The following MYH1 variants were observed in gnomAD, a reference collection of about 807,000 sequenced individuals.
MYH1 encodes the protein myosin-1.
A neutral mutation model predicts 225.6 loss-of-function variants in MYH1; 214 were observed. The ratio of observed to expected loss-of-function variants is 0.95; its 90% CI spans 0.85 to 1.06. The LOEUF is 1.06. MYH1 is among the 50% of genes least tolerant of loss of function. MYH1 has a pLI of 0.00. For missense variants in MYH1, 2,098 were observed against 2,344.2 expected, an observed-to-expected ratio of 0.89 and a Z score of 2.17; for synonymous variants, 774 against 842.3, an observed-to-expected ratio of 0.92 and a Z score of 1.40.
chr17:10,507,825 C>T (rs1274408113), intron 17 of MYH1, 61 bp downstream of exon 17: 4 of 1,436,078 alleles, frequency 2.8e-6, no homozygotes, highest in Non-Finnish European at 3.9e-6. Context: ...TTTTTTCCCC[C>T]ACACCATAGA....
intron 9 of MYH1, among the ~76,000 whole-genome samples, 163 bp downstream of exon 9, chr17:10,513,463 G>A (rs906235231): frequency 6.6e-6 from 1 of 152,166 alleles, no homozygotes; most frequent in Admixed American, 6.5e-5. Context: ...ACTGGAGTGG[G>A]TAAAGCATAC....
rs141034409 is a variant in MYH1, at chr17:10,505,428, A to G, written c.2258T>C (p.Ile753Thr). ...TTTATACTGGGTGTGGTCAATGTCA[A>G]TGGACCCCAGGAGCTTCTCTGAAGC... The part of the protein sequence containing the change: ...KKASEKLLGS[I>T]DIDHTQYKFG... Residue 753 changes from isoleucine (I) to threonine (T), a missense_variant, in exon 20 of 40, where the codon ATT (isoleucine) becomes ACT (threonine). Transcript: ENST00000226207. 1.1e-5 allele frequency: 18 copies of G among 1,614,124 alleles called. No homozygotes were observed. The highest frequency in any genetic ancestry group is 4.5e-5 in the East Asian group (2 of 44,892).
intron 3 of MYH1, 43 bp downstream of exon 3, chr17:10,516,396 A>G (rs767693370): frequency 1.2e-6 from 2 of 1,614,188 alleles, no homozygotes; most frequent in Non-Finnish European, 1.7e-6. Flanking sequence ...AACTTAACCC[A>G]AAATGAGGCA....
At position 10,496,005 on chromosome 17, in the gene MYH1, A is replaced by AT. The variant is rs1275305506; in HGVS notation, c.5113dup (p.Ile1705AsnfsTer11). The AT allele has an allele frequency of 6.2e-7, 1 of 1,613,814 alleles. No individual in the cohort carries two copies. The highest frequency in any genetic ancestry group is 1.1e-5 in the South Asian group (1 of 91,070). On this transcript the variant is annotated frameshift_variant, in exon 35 of 40. Transcript: ENST00000226207. LOFTEE classifies it high-confidence loss of function. ...GGCATCCAGGAGCTCCTGTTCTGCG[A>AT]TTTTCCTGCTCCTCTCTGTCTGTTC... is the stretch of plus-strand genomic sequence containing the variant.
rs1299661575 is a variant in MYH1, at chr17:10,492,400, T to G, written c.*16A>C. ...TTTTGTGCATTTCTTTGGTCACCTTTCAGCAGTTAGATAAATTACTCTTCA... is the reference window on the plus strand; with the variant it reads ...TTTTGTGCATTTCTTTGGTCACCTTGCAGCAGTTAGATAAATTACTCTTCA... On this transcript the variant is annotated 3_prime_UTR_variant, in exon 40 of 40. Transcript: ENST00000226207. 2 of 1,612,962 alleles carry G rather than the reference T, an allele frequency of 1.2e-6. No individual in the cohort carries two copies. The highest frequency in any genetic ancestry group is 4.5e-5 in the East Asian group (2 of 44,850).
chr17:10,512,083 A>T lies in MYH1; in HGVS notation c.1257T>A (p.Thr419=), dbSNP rs778351027. ...VGNEYVTKGQ[T]VQQVYNAVGA... ...GAGGTCATGCACTTACCTGCTGCAC[A>T]GTTTGACCTTTGGTGACATACTCAT... Residue 419 remains threonine, a synonymous_variant, in exon 13 of 40, where the codon ACT becomes ACA. Transcript: ENST00000226207. 17 of 1,614,176 alleles carry T rather than the reference A, an allele frequency of 1.1e-5. No homozygotes were observed. The highest frequency in any genetic ancestry group is 1.4e-5 in the Non-Finnish European group (17 of 1,180,002).
chr17:10,509,707 C>G (rs755615009), intron 14 of MYH1, 52 bp from the exon 15 acceptor site: 5 of 1,613,936 alleles, frequency 3.1e-6, no homozygotes, highest in Non-Finnish European at 4.2e-6. Flanking sequence ...GAAATCTTCT[C>G]TTTGAAAGGG....
intron 24 of MYH1, among the ~76,000 whole-genome samples, chr17:10,502,205 A>G (rs917488745): frequency 2.0e-5 from 3 of 152,216 alleles, no homozygotes; most frequent in African/African-American, 7.2e-5. Flanking sequence ...CCATGCTAAT[A>G]CTTCCAAACC....
rs112427629 is a variant in MYH1, at chr17:10,515,542, T to A, written c.505+384A>T. On this transcript the variant is annotated intron_variant, in intron 5 of 39. Transcript: ENST00000226207. ...ATCTAATTTATAATTAACAAGAAAC[T>A]GAGGCACCAAAAGGATTGAACTCCT... Among the ~76,000 whole-genome samples, 409 of 152,308 alleles carry A rather than the reference T, an allele frequency of 2.7e-3. 1 individual carries two copies. Among genetic ancestry groups the A allele is most frequent in the African/African-American group, 9.4e-3 (391 of 41,582 alleles).
rs776772381 is a variant in MYH1 at position 10,494,971 on chromosome 17, A to G, written c.5426T>C (p.Leu1809Pro). 2 of 1,614,092 alleles carry G rather than the reference A, an allele frequency of 1.2e-6. No homozygotes were observed. The highest frequency in any genetic ancestry group is 2.2e-5 in the East Asian group (1 of 44,884). The change falls in exon 37 of 40, where the codon CTG becomes CCG. Residue 1809 changes from leucine to proline, a missense_variant. Physicochemically the swap from Leu to Pro is moderately conservative, Grantham distance 98. Coordinates refer to ENST00000226207, the MANE Select transcript of MYH1 (RefSeq NM_005963.4). The stretch of plus-strand genomic sequence containing the variant: ...CTGGATCTGCTTCTTCCCACCCTTC[A>G]GGGCCAGCTGCTCAGCCTCATCCAG... The part of the protein sequence containing the change: ...HRLDEAEQLA[L>P]KGGKKQIQKL...
At chr17:10,505,714 C>T (rs2073104460) in intron 19 of MYH1, 98 bp downstream of exon 19, 2 of 1,512,086 alleles carry the variant, frequency 1.3e-6, no homozygotes, top group South Asian at 2.4e-5. Flanking sequence ...TTTATCTTCT[C>T]TTCAATTTTA....
chr17:10,510,787 G>C (rs897674390), intron 14 of MYH1, among the ~76,000 whole-genome samples: 2 of 60,032 alleles, frequency 3.3e-5, no homozygotes, highest in African/African-American at 7.1e-5. Flanking sequence ...CTGTGGCCTA[G>C]GGGGAGGACA....
Position 10,494,607 on chromosome 17 carries a change from G to T in MYH1, c.5533C>A (p.Arg1845Ser), listed in dbSNP as rs1039075314. The T allele has an allele frequency of 6.2e-7, 1 of 1,613,922 alleles. No homozygotes were observed. Among genetic ancestry groups the T allele is most frequent in the Non-Finnish European group, 8.5e-7 (1 of 1,179,994 alleles). The change falls in exon 38 of 40, where the codon CGC becomes AGC. Residue 1845 changes from arginine (R) to serine (S), a missense_variant. Transcript: ENST00000226207. ...TCCTTCACTTTTCTCTCATGTTTGC[G>T]TAGACCCTTGACAGCTTCAACATTG... ...KRNVEAVKGL[R>S]KHERKVKELT... is the part of the protein sequence containing the mutation.
At chr17:10,494,719 T>A in intron 37 of MYH1, 46 bp from the exon 38 acceptor site, 1 of 1,609,134 alleles carries the variant, frequency 6.2e-7, no homozygotes, top group Non-Finnish European at 8.5e-7. Flanking sequence ...GACGAATTTC[T>A]ACTTCTTCAC....
At position 10,496,462 on chromosome 17, in the gene MYH1, C is replaced by G. The variant is rs1394703232; in HGVS notation, c.4744G>C (p.Glu1582Gln). The G allele has an allele frequency of 6.2e-7, 1 of 1,614,046 alleles. No individual in the cohort carries two copies. The highest frequency in any genetic ancestry group is 1.3e-5 in the African/African-American group (1 of 74,996). Reference sequence around the variant, plus strand: ...ATCTGGTCAATTTCCTCATCTTTTTCAGCAATTTTCCTATCAACCTCAGAC... The same window carrying G: ...ATCTGGTCAATTTCCTCATCTTTTTGAGCAATTTTCCTATCAACCTCAGAC... Reference protein sequence around the residue: ...VKSEVDRKIAEKDEEIDQMKR... With the variant: ...VKSEVDRKIAQKDEEIDQMKR... The change falls in exon 34 of 40, where the codon GAA (glutamate) becomes CAA (glutamine). Residue 1582 changes from glutamate (E) to glutamine (Q), a missense_variant. Coordinates refer to ENST00000226207, the MANE Select transcript of MYH1 (RefSeq NM_005963.4).
At position 10,505,472 on chromosome 17, in the gene MYH1, T is replaced by C; in HGVS notation, c.2214A>G (p.Gln738=). ...VLNASAIPEG[Q]FIDSKKASEK... is the part of the protein sequence containing the mutation. ...CTGAAGCCTTCTTGCTATCGATGAA[T>C]TGTCCTTCAGGGATAGCACTTGCAT... Residue 738 remains glutamine, a synonymous_variant, in exon 20 of 40, where the codon CAA becomes CAG. Transcript: ENST00000226207. 6.2e-7 allele frequency: 1 copy of C among 1,614,166 alleles called. No individual in the cohort carries two copies. The highest frequency in any genetic ancestry group is 1.3e-5 in the African/African-American group (1 of 75,060).
chr17:10,497,688 T>C (rs776395493), intron 31 of MYH1, 46 bp downstream of exon 31: 3 of 1,606,096 alleles, frequency 1.9e-6, no homozygotes, highest in Non-Finnish European at 2.6e-6. Context: ...TAGCAGGCTA[T>C]TGTTAATTCT....
At position 10,514,136 on chromosome 17, in the gene MYH1, C is replaced by A; in HGVS notation, c.534-12G>T. The A allele has an allele frequency of 6.2e-7, 1 of 1,613,480 alleles. No homozygotes were observed. Among genetic ancestry groups the A allele is most frequent in the Non-Finnish European group, 8.5e-7 (1 of 1,179,416 alleles). The stretch of plus-strand genomic sequence containing the variant: ...CGCCAGATTCTCCGCTGTCAAAGAC[C>A]AAACGTATGAGAAATTAAGCACTGT... On this transcript the variant is annotated splice_polypyrimidine_tract_variant and intron_variant, in intron 6 of 39. Transcript: ENST00000226207.
intron 2 of MYH1, among the ~76,000 whole-genome samples, chr17:10,517,552 A>G (rs2073240963): frequency 6.6e-6 from 1 of 152,206 alleles, no homozygotes; most frequent in Non-Finnish European, 1.5e-5. Context: ...CTTCATGTAT[A>G]TTCTACTTTA....
Sources: gnomAD v4.1 joint callset for allele counts (sites outside exome capture counted in the v4.1 genomes callset) on GRCh38, gnomAD v4.1.1 for gene constraint, MANE v1.5 for transcripts, NCBI Gene and HGNC (gene_info 2026-07-23, HGNC 2026-07-21) for gene names.